Variants in CTHRC1 observed in about 807,000 individuals in gnomAD.
CTHRC1 encodes the protein collagen triple helix repeat-containing protein 1.
A neutral mutation model predicts 25.9 loss-of-function variants in CTHRC1; 21 were observed. That is an observed-to-expected ratio of 0.81 (90% confidence interval 0.57 to 1.17). The LOEUF (loss-of-function observed/expected upper bound fraction) is 1.17. Ranked by LOEUF, CTHRC1 falls within the 50% of genes most tolerant of loss-of-function variation. The probability of loss-of-function intolerance (pLI) is 0.00; values close to 1 mark genes in which losing one functional copy is unlikely to be tolerated. For missense variants in CTHRC1, 281 were observed against 304.3 expected, an observed-to-expected ratio of 0.92 and a Z score of 0.57; for synonymous variants, 109 against 113.1, an observed-to-expected ratio of 0.96 and a Z score of 0.23.
At chr8:103,380,538 G>A (rs1040593028) in intron 3 of CTHRC1, among the ~76,000 whole-genome samples, 4 of 152,166 alleles carry the variant, frequency 2.6e-5, no homozygotes, top group Admixed American at 6.5e-5. Flanking sequence ...TTTGACAAAT[G>A]GTTGTCATCT....
chr8:103,372,661 T>A (rs1324291812), intron 1 of CTHRC1: 6 of 1,596,174 alleles, frequency 3.8e-6, no homozygotes, highest in Middle Eastern at 3.5e-4. Flanking sequence ...TGTGGGAAGG[T>A]ATGTTTGCTT....
At chr8:103,377,821 C>T (rs368630680) in intron 2 of CTHRC1, among the ~76,000 whole-genome samples, 2 of 152,312 alleles carry the variant, frequency 1.3e-5, no homozygotes, top group East Asian at 3.9e-4. Flanking sequence ...CCAGGCTTGT[C>T]TCTAACCCCT....
rs1228447088 is a variant in CTHRC1, at chr8:103,382,697, A to G, written c.*97A>G. 6.5e-6 allele frequency: 7 copies of G among 1,069,982 alleles called. No homozygotes were observed. Among genetic ancestry groups the G allele is most frequent in the Non-Finnish European group, 7.3e-6 (5 of 688,500 alleles). The allele number at this position is 1,069,982 out of a possible 1,614,324, so 66.3% of individuals were successfully genotyped here. ...ATAAGTTTATGTATACATCTGAATG[A>G]AAAGCAAAGCTAAATATGTTTACAG... On this transcript the variant is annotated 3_prime_UTR_variant, in exon 4 of 4. Coordinates refer to ENST00000330295, the MANE Select transcript of CTHRC1 (RefSeq NM_138455.4).
chr8:103,371,713 CCTGCTGCTG>C lies in CTHRC1; in HGVS notation c.59_67del (p.Leu20_Leu22del), dbSNP rs1370405448. The C allele has an allele frequency of 3.9e-6, 6 of 1,536,662 alleles. No individual in the cohort carries two copies. In the South Asian group the frequency reaches 6.0e-5, roughly 15 times the overall value. ...AGCGGCTCCGCGGCCTCCTGCTGCT[CCTGCTGCTG>C]CAGCTGCCCGCGCCGTCGAGCGCCT... On this transcript the variant is annotated inframe_deletion, in exon 1 of 4. Transcript: ENST00000330295.
In CTHRC1 at chr8:103,375,846, A is replaced by G. The variant is rs781710038; in HGVS notation, c.259A>G (p.Lys87Glu). 1.2e-6 allele frequency: 2 copies of G among 1,614,038 alleles called. No homozygotes were observed. Among genetic ancestry groups the G allele is most frequent in the Non-Finnish European group, 1.7e-6 (2 of 1,180,036 alleles). The change falls in exon 2 of 4, where the codon AAA (lysine) becomes GAA (glutamate). Residue 87 changes from lysine to glutamate, a missense_variant. Physicochemically the swap from Lys to Glu is moderately conservative, Grantham distance 56 (BLOSUM62 1). Coordinates refer to ENST00000330295, the MANE Select transcript of CTHRC1 (RefSeq NM_138455.4). ...TGGGATCCCAGGTCGGGATGGATTC[A>G]AAGGAGAAAAGGGGGAATGTCTGAG... ...TPGIPGRDGF[K>E]GEKGECLRES...
In CTHRC1 at chr8:103,378,323, A is replaced by T. The variant is rs942165622; in HGVS notation, c.589+80A>T. On this transcript the variant is annotated intron_variant, in intron 3 of 3. Coordinates refer to ENST00000330295, the MANE Select transcript of CTHRC1 (RefSeq NM_138455.4). ...TTGAGTCCCACTATCATGTTGGTTCACTAGCCTACTGTAAAGGGACCTCTA... is the reference window on the plus strand; with the variant it reads ...TTGAGTCCCACTATCATGTTGGTTCTCTAGCCTACTGTAAAGGGACCTCTA... 6.1e-6 allele frequency: 7 copies of T among 1,148,864 alleles called. No individual in the cohort carries two copies. In the African/African-American group the frequency reaches 1.1e-4, roughly 17 times the overall value. 71.2% of individuals were successfully genotyped at this position (1,148,864 alleles called of 1,614,324 possible).
chr8:103,372,538 C>A (rs1815725837), intron 1 of CTHRC1: 3 of 1,598,334 alleles, frequency 1.9e-6, no homozygotes, highest in African/African-American at 2.7e-5. Context: ...ATTACACACA[C>A]CCTGGGTCTT....
At chr8:103,380,161 C>T (rs1374412987) in intron 3 of CTHRC1, among the ~76,000 whole-genome samples, 8 of 152,194 alleles carry the variant, frequency 5.3e-5, no homozygotes. Context: ...GTGATATGTT[C>T]AGACAGTCGT....
chr8:103,378,302 G>T, intron 3 of CTHRC1, 59 bp downstream of exon 3: 3 of 1,389,620 alleles, frequency 2.2e-6, no homozygotes, highest in Non-Finnish European at 2.0e-6. Flanking sequence ...TTAGTTTTGA[G>T]TCCCACTATC....
At position 103,380,240 on chromosome 8, in the gene CTHRC1, C is replaced by A. The variant is rs137890696; in HGVS notation, c.589+1997C>A. ...GTGTTAATATTTTGCTAATGTAAGC[C>A]CTTAGGCCCAGGAACTGTGTCATAT... On this transcript the variant is annotated intron_variant, in intron 3 of 3. Coordinates refer to ENST00000330295, the MANE Select transcript of CTHRC1 (RefSeq NM_138455.4). Among the ~76,000 whole-genome samples, 265 of 152,156 alleles carry A rather than the reference C, an allele frequency of 1.7e-3. 2 individuals carry two copies. The highest frequency in any genetic ancestry group is 6.2e-3 in the African/African-American group (258 of 41,508).
chr8:103,375,852 GA>G lies in CTHRC1; in HGVS notation c.269del (p.Lys90ArgfsTer5). ...GIPGRDGFKG[E>X]KGECLRESFE... ...CCCAGGTCGGGATGGATTCAAAGGA[GA>G]AAAGGGGGAATGTCTGAGGGAAAGC... On this transcript the variant is annotated frameshift_variant, in exon 2 of 4. Coordinates refer to ENST00000330295, the MANE Select transcript of CTHRC1 (RefSeq NM_138455.4). LOFTEE classifies it high-confidence loss of function. The G allele has an allele frequency of 6.2e-7, 1 of 1,614,148 alleles. No individual in the cohort carries two copies. The highest frequency in any genetic ancestry group is 8.5e-7 in the Non-Finnish European group (1 of 1,180,020).
intron 2 of CTHRC1, among the ~76,000 whole-genome samples, chr8:103,376,339 A>C (rs1273083656): frequency 6.6e-6 from 1 of 152,188 alleles, no homozygotes; most frequent in Non-Finnish European, 1.5e-5. Flanking sequence ...ATTTCCAAGA[A>C]ATTACCACAT....
intron 3 of CTHRC1, among the ~76,000 whole-genome samples, chr8:103,381,632 C>G (rs1298362176): frequency 6.6e-6 from 1 of 152,084 alleles, no homozygotes; most frequent in African/African-American, 2.4e-5. Context: ...TGAGGAAATT[C>G]TGTGTAAAAT....
At chr8:103,379,611 C>G (rs1172047866) in intron 3 of CTHRC1, among the ~76,000 whole-genome samples, 1 of 152,126 alleles carries the variant, frequency 6.6e-6, no homozygotes, top group Non-Finnish European at 1.5e-5. Flanking sequence ...CTGTTATATT[C>G]ATATGCCTTT....
Position 103,382,549 on chromosome 8 carries a change from T to C in CTHRC1, c.681T>C (p.Ser227=). 2 of 1,613,490 alleles carry C rather than the reference T, an allele frequency of 1.2e-6. No homozygotes were observed. The highest frequency in any genetic ancestry group is 1.7e-6 in the Non-Finnish European group (2 of 1,179,480). Residue 227 remains serine, a synonymous_variant, in exon 4 of 4, where the codon TCT becomes TCC. Coordinates refer to ENST00000330295, the MANE Select transcript of CTHRC1 (RefSeq NM_138455.4). ...CAGATTACCCAAAAGGAGATGCTTC[T>C]ACTGGATGGAATTCAGTTTCTCGCA... is the stretch of plus-strand genomic sequence containing the variant. ...TCSDYPKGDA[S]TGWNSVSRII...
Position 103,371,748 on chromosome 8 carries a change from C to G in CTHRC1, c.92C>G (p.Ser31Cys). The change falls in exon 1 of 4, where the codon TCT becomes TGT. Residue 31 changes from serine (S) to cysteine (C), a missense_variant. Ser to Cys is a moderately radical substitution (Grantham distance 112). Coordinates refer to ENST00000330295, the MANE Select transcript of CTHRC1 (RefSeq NM_138455.4). Reference protein sequence around the residue: ...LLQLPAPSSASEIPKGKQKAQ... With the variant: ...LLQLPAPSSACEIPKGKQKAQ... ...CAGCTGCCCGCGCCGTCGAGCGCCTCTGAGATCCCCAAGGGGAAGCAAAAG... is the reference window on the plus strand; with the variant it reads ...CAGCTGCCCGCGCCGTCGAGCGCCTGTGAGATCCCCAAGGGGAAGCAAAAG... 1 of 1,536,744 alleles carries G rather than the reference C, an allele frequency of 6.5e-7. No homozygotes were observed. Among genetic ancestry groups the G allele is most frequent in the Non-Finnish European group, 8.8e-7 (1 of 1,142,276 alleles).
At chr8:103,372,097 A>G (rs547962778) in intron 1 of CTHRC1, among the ~76,000 whole-genome samples, 1 of 152,058 alleles carries the variant, frequency 6.6e-6, no homozygotes, top group African/African-American at 2.4e-5. Flanking sequence ...GAGTCCCCCA[A>G]TAATTTCTGG....
rs1815939024 is a variant in CTHRC1, at chr8:103,382,880, TTC to T, written c.*284_*285del. On this transcript the variant is annotated 3_prime_UTR_variant, in exon 4 of 4. Transcript: ENST00000330295. The stretch of plus-strand genomic sequence containing the variant: ...GAATATTGTTGTGGTCTTTTGTTTT[TTC>T]TCTTAGTATAGCATTTTTAAAAAAA... The T allele has an allele frequency of 3.0e-6, 1 of 334,946 alleles. No homozygotes were observed. The highest frequency in any genetic ancestry group is 4.5e-5 in the Admixed American group (1 of 22,188). 20.7% of individuals were successfully genotyped at this position (334,946 alleles called of 1,614,324 possible).
chr8:103,379,769 A>G (rs1815873281), intron 3 of CTHRC1, among the ~76,000 whole-genome samples: 2 of 152,238 alleles, frequency 1.3e-5, no homozygotes, highest in African/African-American at 4.8e-5. Context: ...ATAACATTTC[A>G]GCATTCTTTA....
Sources: allele counts gnomAD v4.1 joint callset (sites outside exome capture counted in the v4.1 genomes callset), GRCh38; gene constraint gnomAD v4.1.1; transcripts MANE v1.5; gene names NCBI Gene and HGNC (gene_info 2026-07-23, HGNC 2026-07-21).